The following DNAJC11 variants were observed in gnomAD, a reference collection of about 807,000 sequenced individuals.
DNAJC11 encodes dnaJ homolog subfamily C member 11.
In DNAJC11, 15 loss-of-function variants were observed where a neutral mutation model predicts 78.6. The observed-to-expected ratio is 0.19, with a 90% CI of 0.13 to 0.29. The LOEUF (loss-of-function observed/expected upper bound fraction) is 0.29. Among genes scored for constraint, DNAJC11 ranks in the 10% least tolerant of loss-of-function variants. DNAJC11 has a pLI of 1.00. For missense variants in DNAJC11, 547 were observed against 709.6 expected, an observed-to-expected ratio of 0.77 and a Z score of 2.60; for synonymous variants, 292 against 272.1, an observed-to-expected ratio of 1.07 and a Z score of -0.72.
chr1:6,640,089 A>T (rs1355353639), intron 10 of DNAJC11, 32 bp from the exon 11 acceptor site: 1 of 1,512,244 alleles, frequency 6.6e-7, no homozygotes, highest in South Asian at 1.3e-5. Flanking sequence ...AAAAAAAAAA[A>T]GCCAAGATGA....
In DNAJC11 at chr1:6,639,328, C is replaced by CTTT. The variant is rs869051941; in HGVS notation, c.1253+571_1253+573dup. On this transcript the variant is annotated intron_variant, in intron 11 of 15. Transcript: ENST00000377577. ...GAGGCCATGGTTTAGAGGATCAACACTTTTTTTTTTTTTTTTTTTGAGACC... is the reference window on the plus strand; with the variant it reads ...GAGGCCATGGTTTAGAGGATCAACACTTTTTTTTTTTTTTTTTTTTTTGAGACC... Among the ~76,000 whole-genome samples, 294 of 136,816 alleles carry CTTT rather than the reference C, an allele frequency of 2.1e-3. 3 individuals carry two copies. The highest frequency in any genetic ancestry group is 7.4e-3 in the African/African-American group (278 of 37,332). 89.8% of individuals were successfully genotyped at this position (136,816 alleles called of 152,430 possible).
chr1:6,667,647 C>G, intron 4 of DNAJC11, 62 bp downstream of exon 4: 1 of 1,378,860 alleles, frequency 7.3e-7, no homozygotes, highest in Non-Finnish European at 1.0e-6. Context: ...TATTTCAGAC[C>G]TGGCTTCTAG....
In DNAJC11 at chr1:6,687,121, C is replaced by T. The variant is rs566441532; in HGVS notation, c.73-6084G>A. 2.0e-5 allele frequency among the ~76,000 whole-genome samples: 3 copies of T among 152,158 alleles called. No homozygotes were observed. In the South Asian group the frequency reaches 6.2e-4, roughly 31 times the overall value. ...AGCAGATTTCAGAGCTAATTAACAC[C>T]AAGACAGCATGGGTGCTTTGTGCTG... is the stretch of plus-strand genomic sequence containing the variant. On this transcript the variant is annotated intron_variant, in intron 1 of 15. Coordinates refer to ENST00000377577, the MANE Select transcript of DNAJC11 (RefSeq NM_018198.4).
chr1:6,652,531 T>C (rs1220412459), intron 6 of DNAJC11, among the ~76,000 whole-genome samples: 2 of 152,134 alleles, frequency 1.3e-5, no homozygotes, highest in Non-Finnish European at 2.9e-5. Context: ...CCTGGGTTCA[T>C]GTGATTCTCG....
At position 6,652,852 on chromosome 1, in the gene DNAJC11, T is replaced by A. The variant is rs1246504078; in HGVS notation, c.607A>T (p.Thr203Ser). ...GSINFALRRV[T>S]SAKGWGELEF... ...ACCTCTCCCCATCCCTTTGCCGAAGTTACTCGTCTGAGCGCAAAGTTAATG... is the reference window on the plus strand; with the variant it reads ...ACCTCTCCCCATCCCTTTGCCGAAGATACTCGTCTGAGCGCAAAGTTAATG... The change falls in exon 6 of 16, where the codon ACT becomes TCT. Residue 203 changes from threonine (T) to serine (S), a missense_variant. Thr to Ser is a moderately conservative substitution (Grantham distance 58). Coordinates refer to ENST00000377577, the MANE Select transcript of DNAJC11 (RefSeq NM_018198.4). 6.2e-7 allele frequency: 1 copy of A among 1,614,212 alleles called. No individual in the cohort carries two copies. The highest frequency in any genetic ancestry group is 1.7e-5 in the Admixed American group (1 of 60,018).
At chr1:6,643,443 T>G (rs1237217455) in intron 10 of DNAJC11, among the ~76,000 whole-genome samples, 1 of 151,684 alleles carries the variant, frequency 6.6e-6, no homozygotes, top group African/African-American at 2.4e-5. Context: ...GCCCGGTTAA[T>G]TTTTTGTATT....
chr1:6,659,110 T>C (rs553223924), intron 4 of DNAJC11, among the ~76,000 whole-genome samples: 1 of 152,354 alleles, frequency 6.6e-6, no homozygotes, highest in African/African-American at 2.4e-5. Context: ...ACTTGCTCAA[T>C]GTTCCTTATA....
At position 6,680,119 on chromosome 1, in the gene DNAJC11, AT is replaced by A. The variant is rs1193553830; in HGVS notation, c.202+788del. ...ATCTAATTTTTGGTCTAAGGAGCAA[AT>A]CACCAGATGGTTCTGGAACAAATAA... On this transcript the variant is annotated intron_variant, in intron 2 of 15. Transcript: ENST00000377577. The surrounding 1 kb of genome is among the most constrained non-coding windows in gnomAD (Gnocchi z 4.0). 2.6e-5 allele frequency among the ~76,000 whole-genome samples: 4 copies of A among 152,392 alleles called. No individual in the cohort carries two copies. The highest frequency in any genetic ancestry group is 9.6e-5 in the African/African-American group (4 of 41,594).
At chr1:6,651,496 C>G in intron 7 of DNAJC11, 33 bp downstream of exon 7, 1 of 1,594,418 alleles carries the variant, frequency 6.3e-7, no homozygotes, top group Non-Finnish European at 8.6e-7. Context: ...CAACAAAGAC[C>G]ACCAAAGAGG....
intron 1 of DNAJC11, 146 bp from the exon 2 acceptor site, chr1:6,681,183 A>G: frequency 1.3e-6 from 1 of 786,406 alleles, no homozygotes; most frequent in Non-Finnish European, 2.0e-6. Context: ...TCGGTTTATC[A>G]CCTCAACAAG....
At chr1:6,701,587 G>C (rs1438609991) in intron 1 of DNAJC11, 142 bp downstream of exon 1, 1 of 788,812 alleles carries the variant, frequency 1.3e-6, no homozygotes, top group Non-Finnish European at 1.8e-6. Flanking sequence ...CGGGCGGCTG[G>C]CGTGCACGTC....
In DNAJC11 at chr1:6,634,779, T is replaced by G. The variant is rs1200385196; in HGVS notation, c.*896A>C. ...GACCTGCAGGAGCGGGGAGCTGCAG[T>G]GCCACCTGCTGGGTACCACGGGCCG... On this transcript the variant is annotated 3_prime_UTR_variant, in exon 16 of 16. Coordinates refer to ENST00000377577, the MANE Select transcript of DNAJC11 (RefSeq NM_018198.4). 7.6e-7 allele frequency: 1 copy of G among 1,318,826 alleles called. No homozygotes were observed. Among genetic ancestry groups the G allele is most frequent in the East Asian group, 5.1e-5 (1 of 19,666 alleles). 81.7% of individuals were successfully genotyped at this position (1,318,826 alleles called of 1,614,324 possible). A position where few individuals can be genotyped will look rare whatever the true frequency, so the allele number is the denominator to read the frequency against.
chr1:6,670,222 A>G (rs960334965), intron 3 of DNAJC11, among the ~76,000 whole-genome samples: 1 of 152,046 alleles, frequency 6.6e-6, no homozygotes, highest in African/African-American at 2.4e-5. Context: ...TTATTTTTTA[A>G]AATACAAGCT....
At position 6,644,684 on chromosome 1, in the gene DNAJC11, G is replaced by A. The variant is rs200392372; in HGVS notation, c.981-10C>T. On this transcript the variant is annotated splice_polypyrimidine_tract_variant and intron_variant, in intron 9 of 15. Transcript: ENST00000377577. ...CCCAAAGAAGCCTGCTCTGCAGGGA[G>A]AGAACGCGGTCTGTGCCTGTGCCCC... The A allele has an allele frequency of 1.2e-4, 193 of 1,608,682 alleles. No homozygotes were observed. The highest frequency in any genetic ancestry group is 9.9e-4 in the Middle Eastern group (6 of 6,076).
intron 4 of DNAJC11, among the ~76,000 whole-genome samples, chr1:6,659,832 C>G (rs555943848): frequency 1.4e-4 from 21 of 151,890 alleles, no homozygotes; most frequent in African/African-American, 5.1e-4. Flanking sequence ...CTGAGGCGGG[C>G]AGATCACGAG....
In DNAJC11 at chr1:6,645,742, GT is replaced by G. The variant is rs776961582; in HGVS notation, c.894+46del. ...GAGCACTGAGTGCTTGGGAGGAGGG[GT>G]CCTCCCAGAGCTCTGTCTGCAGGAG... On this transcript the variant is annotated intron_variant, in intron 8 of 15. Transcript: ENST00000377577. The surrounding 1 kb of genome is among the most constrained non-coding windows in gnomAD (Gnocchi z 4.1). 39 of 1,583,986 alleles carry G rather than the reference GT, an allele frequency of 2.5e-5. No homozygotes were observed. The highest frequency in any genetic ancestry group is 3.1e-5 in the Non-Finnish European group (36 of 1,155,278).
chr1:6,678,957 A>G (rs1052078531), intron 2 of DNAJC11, among the ~76,000 whole-genome samples: 4 of 152,250 alleles, frequency 2.6e-5, no homozygotes, highest in African/African-American at 7.2e-5. Context: ...CTAATGTAGG[A>G]TATGTTTAAA....
intron 9 of DNAJC11, 31 bp from the exon 10 acceptor site, chr1:6,644,705 G>C: frequency 6.3e-7 from 1 of 1,575,104 alleles, no homozygotes; most frequent in Non-Finnish European, 8.7e-7. Context: ...CTGTGCCTGT[G>C]CCCCTCATTC....
At chr1:6,660,279 C>A (rs1447806991) in intron 4 of DNAJC11, among the ~76,000 whole-genome samples, 1 of 151,526 alleles carries the variant, frequency 6.6e-6, no homozygotes, top group Non-Finnish European at 1.5e-5. Context: ...GCCTTAGCCT[C>A]CCAAATAGCT....
Sources: gnomAD v4.1 joint callset for allele counts (sites outside exome capture counted in the v4.1 genomes callset) on GRCh38, gnomAD v4.1.1 for gene constraint, Gnocchi (gnomAD v3.1) non-coding constraint, MANE v1.5 for transcripts, NCBI Gene and HGNC (gene_info 2026-07-23, HGNC 2026-07-21) for gene names.